VTCN1: variants seen among roughly 807,000 people sequenced by gnomAD.
VTCN1 encodes V-set domain-containing T-cell activation inhibitor 1.
In VTCN1, 26 loss-of-function variants were observed where a neutral mutation model predicts 26.5. That is an observed-to-expected ratio of 0.98 (90% confidence interval 0.72 to 1.36). The LOEUF (loss-of-function observed/expected upper bound fraction) is 1.36. Ranked by LOEUF, VTCN1 falls within the 40% of genes most tolerant of loss-of-function variation. The pLI, the probability that VTCN1 is intolerant of heterozygous loss-of-function variation, is 0.00. For missense variants in VTCN1, 298 were observed against 337.7 expected (o/e 0.88, Z 0.92); for synonymous variants, 116 against 130.7 (o/e 0.89, Z 0.77).
chr1:117,201,534 G>A (rs559814572), intron 1 of VTCN1, among the ~76,000 whole-genome samples: 1 of 152,266 alleles, frequency 6.6e-6, no homozygotes, highest in South Asian at 2.1e-4. Context: ...TAGGTTCTGA[G>A]CCAGCAGCAA....
chr1:117,176,324 C>T (rs1647349590), intron 1 of VTCN1, among the ~76,000 whole-genome samples: 1 of 152,200 alleles, frequency 6.6e-6, no homozygotes, highest in Admixed American at 6.5e-5. Flanking sequence ...GTATGACTTA[C>T]AGACTTGAGG....
At chr1:117,193,082 T>C (rs1012967600) in intron 1 of VTCN1, among the ~76,000 whole-genome samples, 6 of 152,156 alleles carry the variant, frequency 3.9e-5, no homozygotes, top group African/African-American at 9.7e-5. Context: ...TTTTAAGTAA[T>C]CTAGAGATGA....
At chr1:117,150,597 TTTAG>T (rs60924011) in intron 4 of VTCN1, among the ~76,000 whole-genome samples, 4,764 of 152,318 alleles carry the variant, frequency 0.031, 235 homozygotes, top group African/African-American at 0.099. Flanking sequence ...TATGTAATTT[TTTAG>T]TTAGATACTT....
chr1:117,154,783 C>CAAAAAAAAAAAAAAAAAAAAAAAAA (rs916361996), intron 3 of VTCN1, among the ~76,000 whole-genome samples: 1 of 39,884 alleles, frequency 2.5e-5, no homozygotes, highest in Non-Finnish European at 5.5e-5. Flanking sequence ...AACTCCATCT[C>CAAAAAAAAAAAAAAAAAAAAAAAAA]AAAAAAAAAA....
intron 1 of VTCN1, among the ~76,000 whole-genome samples, chr1:117,192,732 G>A (rs897222935): frequency 9.9e-5 from 15 of 152,018 alleles, no homozygotes; most frequent in African/African-American, 1.4e-4. Context: ...GGTATTTTAC[G>A]TAAGCCTCAG....
intron 1 of VTCN1, among the ~76,000 whole-genome samples, chr1:117,195,338 G>A (rs1648457306): frequency 6.6e-6 from 1 of 151,298 alleles, no homozygotes; most frequent in South Asian, 2.1e-4. Context: ...AACAGAGCAG[G>A]TCTTAAGTGT....
chr1:117,210,874 G>C lies in VTCN1; in HGVS notation c.-19C>G, dbSNP rs1296749328. 2.5e-6 allele frequency: 4 copies of C among 1,614,098 alleles called. No homozygotes were observed. Among genetic ancestry groups the C allele is most frequent in the Non-Finnish European group, 3.4e-6 (4 of 1,179,964 alleles). Reference sequence around the variant, plus strand: ...AAGCCATGGCTGGGGAAGGTTCCCAGCGTATCTGGGTACTGGCTGAGTGGA... The same window carrying C: ...AAGCCATGGCTGGGGAAGGTTCCCACCGTATCTGGGTACTGGCTGAGTGGA... On this transcript the variant is annotated 5_prime_UTR_variant, in exon 1 of 6. Transcript: ENST00000369458.
rs145229952 is a variant in VTCN1 at position 117,200,926 on chromosome 1, T to G, written c.32+9898A>C. On this transcript the variant is annotated intron_variant, in intron 1 of 5. Coordinates refer to ENST00000369458, the MANE Select transcript of VTCN1 (RefSeq NM_024626.4). ...TCCCAGCTACTACGCCAGGCTAATT[T>G]TTTTGGTTTGTTTTTTGTTTGGTGG... Among the ~76,000 whole-genome samples, 62 of 152,186 alleles carry G rather than the reference T, an allele frequency of 4.1e-4. No individual in the cohort carries two copies. The East Asian group carries it at 0.011, about 28-fold the overall frequency.
chr1:117,187,074 T>C (rs6657316), intron 1 of VTCN1, among the ~76,000 whole-genome samples: 117,393 of 151,378 alleles, frequency 0.78, 45,664 homozygotes, highest in East Asian at 0.99. Context: ...ATTGCTTGAG[T>C]CCAGGAGTTC....
rs768482698 is a variant in VTCN1 at position 117,153,253 on chromosome 1, C to T, written c.562G>A (p.Gly188Arg). Reference sequence around the variant, plus strand: ...TTGGAGACTTCCGAGAAGTTGGCTCCCTGGTCAACTTGGGATGCCCAGACC... The same window carrying T: ...TTGGAGACTTCCGAGAAGTTGGCTCTCTGGTCAACTTGGGATGCCCAGACC... ...TVVWASQVDQ[G>R]ANFSEVSNTS... The change falls in exon 4 of 6, where the codon GGA becomes AGA. Residue 188 changes from glycine (G) to arginine (R), a missense_variant. Gly to Arg is a moderately radical substitution (Grantham distance 125). Coordinates refer to ENST00000369458, the MANE Select transcript of VTCN1 (RefSeq NM_024626.4). 1.2e-6 allele frequency: 2 copies of T among 1,614,100 alleles called. No individual in the cohort carries two copies. The highest frequency in any genetic ancestry group is 2.2e-5 in the South Asian group (2 of 91,080).
rs575677572 is a variant in VTCN1 at position 117,169,708 on chromosome 1, C to T, written c.97+399G>A. Among the ~76,000 whole-genome samples, 3 of 152,232 alleles carry T rather than the reference C, an allele frequency of 2.0e-5. No homozygotes were observed. The highest frequency in any genetic ancestry group is 4.1e-4 in the South Asian group (2 of 4,824). On this transcript the variant is annotated intron_variant, in intron 2 of 5. Transcript: ENST00000369458. This position sits in a 1 kb window ranked among gnomAD's most constrained non-coding sequence, Gnocchi z 4.0. ...AGGAGTTTGAGACCAGCCTGAGCAA[C>T]ATGGTGAAACCCCATCTCTACTAAA...
rs577105046 is a variant in VTCN1, at chr1:117,161,613, T to C, written c.98-4692A>G. Among the ~76,000 whole-genome samples the C allele has an allele frequency of 3.3e-5, 5 of 152,294 alleles. No individual in the cohort carries two copies. In the South Asian group the frequency reaches 1.0e-3, roughly 32 times the overall value. ...ATGTTTCTGCAGAGAAAAATAATGT[T>C]TGCTGAGTTTATGAATAAATGAATA... On this transcript the variant is annotated intron_variant, in intron 2 of 5. Coordinates refer to ENST00000369458, the MANE Select transcript of VTCN1 (RefSeq NM_024626.4). This position sits in a 1 kb window ranked among gnomAD's most constrained non-coding sequence, Gnocchi z 4.3.
intron 1 of VTCN1, among the ~76,000 whole-genome samples, chr1:117,192,979 G>T (rs1648318208): frequency 6.6e-6 from 1 of 151,850 alleles, no homozygotes; most frequent in East Asian, 1.9e-4. Flanking sequence ...ATATTAGGAA[G>T]AAAACAAAAT....
At chr1:117,202,931 T>A (rs894172770) in intron 1 of VTCN1, among the ~76,000 whole-genome samples, 3 of 150,492 alleles carry the variant, frequency 2.0e-5, no homozygotes, top group Non-Finnish European at 3.0e-5. Flanking sequence ...TGAGAGAGAG[T>A]TTTCTTTTAA....
intron 2 of VTCN1, among the ~76,000 whole-genome samples, chr1:117,163,810 A>G (rs1413514813): frequency 1.3e-5 from 2 of 152,170 alleles, no homozygotes; most frequent in Non-Finnish European, 2.9e-5. Flanking sequence ...AAATCAAAAC[A>G]ACTAAAAACC....
chr1:117,177,054 G>A (rs545922760), intron 1 of VTCN1, among the ~76,000 whole-genome samples: 12 of 152,222 alleles, frequency 7.9e-5, no homozygotes, highest in African/African-American at 1.9e-4. Flanking sequence ...AGCCGAGATC[G>A]TGCCATTGCA....
chr1:117,176,494 C>CT (rs1253321675), intron 1 of VTCN1, among the ~76,000 whole-genome samples: 1 of 152,166 alleles, frequency 6.6e-6, no homozygotes, highest in Non-Finnish European at 1.5e-5. Flanking sequence ...ACATAAAATG[C>CT]TTTTTGTTTT....
intron 3 of VTCN1, 98 bp downstream of exon 3, chr1:117,156,476 G>T: frequency 7.8e-7 from 1 of 1,279,332 alleles, no homozygotes; most frequent in Non-Finnish European, 1.1e-6. Flanking sequence ...GAGCATCATT[G>T]TCTGATATTG....
chr1:117,181,646 A>G (rs1570971334), intron 1 of VTCN1, among the ~76,000 whole-genome samples: 2 of 152,270 alleles, frequency 1.3e-5, no homozygotes. Context: ...AGGGAGTGGG[A>G]AGGCAGGTGA....
Sources: gnomAD v4.1 joint callset for allele counts (sites outside exome capture counted in the v4.1 genomes callset) on GRCh38, gnomAD v4.1.1 for gene constraint, Gnocchi (gnomAD v3.1) non-coding constraint, MANE v1.5 for transcripts, NCBI Gene and HGNC (gene_info 2026-07-23, HGNC 2026-07-21) for gene names.